ADCY9: variants seen among roughly 807,000 people sequenced by gnomAD.
ADCY9 encodes adenylate cyclase type 9.
In ADCY9, 50 loss-of-function variants were observed where a neutral mutation model predicts 101.5. The observed-to-expected ratio is 0.49, with a 90% CI of 0.39 to 0.62. ADCY9 has a LOEUF of 0.62. Among genes scored for constraint, ADCY9 ranks in the 20% least tolerant of loss-of-function variants. The probability of loss-of-function intolerance (pLI) is 0.00; values close to 1 mark genes in which losing one functional copy is unlikely to be tolerated. For missense variants in ADCY9, 1,662 were observed against 1,800.4 expected, an observed-to-expected ratio of 0.92 and a Z score of 1.39; for synonymous variants, 905 against 769.3, an observed-to-expected ratio of 1.18 and a Z score of -2.92.
chr16:4,113,172 TA>T lies in ADCY9; in HGVS notation c.1693+577del, dbSNP rs111589177. On this transcript the variant is annotated intron_variant, in intron 2 of 10. Coordinates refer to ENST00000294016, the MANE Select transcript of ADCY9 (RefSeq NM_001116.4). ...GAAAGCTGAAAATGCAAACTTTTTT[TA>T]AAAAAAAAAAAAGACCTAGATAAAA... Among the ~76,000 whole-genome samples the T allele has an allele frequency of 7.5e-3, 1,102 of 146,836 alleles. 10 individuals are homozygous for T. Among genetic ancestry groups the T allele is most frequent in the African/African-American group, 0.019 (753 of 40,226 alleles).
In ADCY9 at chr16:3,965,256, T is replaced by G. The variant is rs1167855453; in HGVS notation, c.*519A>C. ...GGATTACTGGCACTTTATATCAGATTCATGAATGCAAGTGTGTGTGCGCAT... is the reference window on the plus strand; with the variant it reads ...GGATTACTGGCACTTTATATCAGATGCATGAATGCAAGTGTGTGTGCGCAT... On this transcript the variant is annotated 3_prime_UTR_variant, in exon 11 of 11. Transcript: ENST00000294016. 1.3e-5 allele frequency: 2 copies of G among 157,906 alleles called. No homozygotes were observed. Among genetic ancestry groups the G allele is most frequent in the African/African-American group, 4.8e-5 (2 of 41,504 alleles). The allele number at this position is 157,906 out of a possible 1,614,324, so 9.8% of individuals were successfully genotyped here.
At chr16:4,014,939 C>CT (rs578260761) in intron 2 of ADCY9, among the ~76,000 whole-genome samples, 13,644 of 92,752 alleles carry the variant, frequency 0.15, 1,900 homozygotes, top group South Asian at 0.28. Context: ...CTGTTTTGGC[C>CT]TTTTTTTTTT....
chr16:3,960,878 A>G (rs2055933629), downstream of ADCY9, among the ~76,000 whole-genome samples: 1 of 152,242 alleles, frequency 6.6e-6, no homozygotes, highest in Admixed American at 6.5e-5. Flanking sequence ...AAGATTTTAA[A>G]TGTACATGTC....
chr16:3,962,697 A>G lies in ADCY9; in HGVS notation c.*3078T>C, dbSNP rs1337316028. On this transcript the variant is annotated 3_prime_UTR_variant, in exon 11 of 11. Coordinates refer to ENST00000294016, the MANE Select transcript of ADCY9 (RefSeq NM_001116.4). ...TAATGTCCATTTCTTCAGTGAATGCATTTTGAAATTATTAGAATTAACAAT... is the reference window on the plus strand; with the variant it reads ...TAATGTCCATTTCTTCAGTGAATGCGTTTTGAAATTATTAGAATTAACAAT... 6.6e-6 allele frequency: 1 copy of G among 152,216 alleles called. No homozygotes were observed. The highest frequency in any genetic ancestry group is 1.5e-5 in the Non-Finnish European group (1 of 68,040). The allele number at this position is 152,216 out of a possible 1,614,324, so 9.4% of individuals were successfully genotyped here.
intron 2 of ADCY9, among the ~76,000 whole-genome samples, chr16:4,057,845 G>C (rs1028433789): frequency 6.6e-6 from 1 of 152,154 alleles, no homozygotes; most frequent in African/African-American, 2.4e-5. Flanking sequence ...TCAGAGATGA[G>C]AAAACCAAGG....
chr16:4,019,077 G>A (rs1028311963), intron 2 of ADCY9, among the ~76,000 whole-genome samples: 1 of 151,840 alleles, frequency 6.6e-6, no homozygotes, highest in Non-Finnish European at 1.5e-5. Context: ...CTGGGCTCAA[G>A]TGATCCTCCC....
Position 3,965,597 on chromosome 16 carries a change from A to C in ADCY9, c.*178T>G. ...TTTCCAGGGAAGGGAGCGAAAGGGAAGAATGGATGAAAATGAACCCTGAAT... is the reference window on the plus strand; with the variant it reads ...TTTCCAGGGAAGGGAGCGAAAGGGACGAATGGATGAAAATGAACCCTGAAT... On this transcript the variant is annotated 3_prime_UTR_variant, in exon 11 of 11. Transcript: ENST00000294016. 1.6e-6 allele frequency: 1 copy of C among 641,674 alleles called. No individual in the cohort carries two copies. Among genetic ancestry groups the C allele is most frequent in the Non-Finnish European group, 2.7e-6 (1 of 375,826 alleles). The allele number at this position is 641,674 out of a possible 1,614,324, so 39.7% of individuals were successfully genotyped here. A position where few individuals can be genotyped will look rare whatever the true frequency, so the allele number is the denominator to read the frequency against.
chr16:3,992,428 G>A lies in ADCY9; in HGVS notation c.1990-65C>T, dbSNP rs1384233776. 7.5e-6 allele frequency: 11 copies of A among 1,467,512 alleles called. No individual in the cohort carries two copies. Among genetic ancestry groups the A allele is most frequent in the South Asian group, 4.8e-5 (4 of 83,246 alleles). 90.9% of individuals were successfully genotyped at this position (1,467,512 alleles called of 1,614,324 possible). On this transcript the variant is annotated intron_variant, in intron 4 of 10. Coordinates refer to ENST00000294016, the MANE Select transcript of ADCY9 (RefSeq NM_001116.4). The surrounding 1 kb of genome is among the most constrained non-coding windows in gnomAD (Gnocchi z 4.2). ...GTGGCACCGGGCACTGGGCACACAC[G>A]CCTGTCCCACCCCGACCTCCGCTGC...
At chr16:4,097,487 T>TATATATATATACACAC (rs76750792) in intron 2 of ADCY9, among the ~76,000 whole-genome samples, 26 of 72,486 alleles carry the variant, frequency 3.6e-4, no homozygotes, top group East Asian at 1.5e-3. Context: ...TATATATATA[T>TATATATATATACACAC]ACACACACAC....
chr16:4,112,011 A>G (rs2057116919), intron 2 of ADCY9, among the ~76,000 whole-genome samples: 1 of 152,358 alleles, frequency 6.6e-6, no homozygotes, highest in East Asian at 1.9e-4. Context: ...TACAGCATAC[A>G]AAGTACAGCT....
chr16:3,996,633 C>T (rs945521210), intron 3 of ADCY9, among the ~76,000 whole-genome samples: 6 of 152,220 alleles, frequency 3.9e-5, no homozygotes, highest in South Asian at 2.1e-4. Context: ...AGCCAAAGCC[C>T]GAAGTGCAAG....
At position 4,115,291 on chromosome 16, in the gene ADCY9, G is replaced by A; in HGVS notation, c.152C>T (p.Ser51Phe). 6.2e-7 allele frequency: 1 copy of A among 1,613,882 alleles called. No individual in the cohort carries two copies. Among genetic ancestry groups the A allele is most frequent in the Non-Finnish European group, 8.5e-7 (1 of 1,179,888 alleles). Residue 51 changes from serine (S) to phenylalanine (F), a missense_variant, in exon 2 of 11, where the codon TCC becomes TTC. This residue lies in a region of ADCY9 where 422 missense variants were observed against 392.0 expected (regional missense o/e 1.08). Coordinates refer to ENST00000294016, the MANE Select transcript of ADCY9 (RefSeq NM_001116.4). The surrounding 1 kb of genome is among the most constrained non-coding windows in gnomAD (Gnocchi z 6.2). ...SHPKHCKYSI[S>F]SSCSSSGDSG... The stretch of plus-strand genomic sequence containing the variant: ...GTCCCCAGAGCTGCTGCAGCTAGAG[G>A]AGATGCTGTATTTGCAGTGCTTGGG...
chr16:4,033,964 T>C (rs947622879), intron 2 of ADCY9, among the ~76,000 whole-genome samples: 5 of 152,198 alleles, frequency 3.3e-5, no homozygotes, highest in Non-Finnish European at 5.9e-5. Context: ...AATTCTATTA[T>C]TATTTGCTCA....
intron 6 of ADCY9, among the ~76,000 whole-genome samples, chr16:3,988,471 T>TGGGGGGTTCCCTTCCAGGGCAGGG (rs2056214531): frequency 1.2e-4 from 2 of 16,724 alleles, no homozygotes; most frequent in African/African-American, 5.2e-4. Context: ...CCAGGGCAGG[T>TGGGGGGTTCCCTTCCAGGGCAGGG]GTGGGGGATT....
intron 2 of ADCY9, among the ~76,000 whole-genome samples, chr16:4,010,849 T>G (rs2056399467): frequency 6.6e-6 from 1 of 152,138 alleles, no homozygotes; most frequent in Non-Finnish European, 1.5e-5. Flanking sequence ...GCTCCTCCCC[T>G]GCGATGGGAT....
intron 3 of ADCY9, among the ~76,000 whole-genome samples, chr16:3,999,750 A>T (rs2056316951): frequency 6.6e-6 from 1 of 152,062 alleles, no homozygotes; most frequent in South Asian, 2.1e-4. Context: ...TCCTTCCCCC[A>T]TGTGGACGTG....
At chr16:3,984,416 G>A (rs1486671935) in intron 6 of ADCY9, among the ~76,000 whole-genome samples, 2 of 152,216 alleles carry the variant, frequency 1.3e-5, no homozygotes. Context: ...AATTGAGGGG[G>A]AGAAATAACG....
intron 2 of ADCY9, among the ~76,000 whole-genome samples, chr16:4,024,790 G>A (rs188018675): frequency 1.3e-5 from 2 of 152,174 alleles, no homozygotes; most frequent in African/African-American, 4.8e-5. Flanking sequence ...GTACGTGGAC[G>A]GATGAGTGAG....
chr16:4,044,836 A>C (rs1597188051), intron 2 of ADCY9, among the ~76,000 whole-genome samples: 1 of 151,586 alleles, frequency 6.6e-6, no homozygotes, highest in African/African-American at 2.4e-5. Context: ...AGGCGGAGGG[A>C]CTCTCCACCC....
Sources: allele counts gnomAD v4.1 joint callset (sites outside exome capture counted in the v4.1 genomes callset), GRCh38; gene constraint gnomAD v4.1.1; regional missense constraint gnomAD v4.1.1; non-coding constraint Gnocchi (gnomAD v3.1); transcripts MANE v1.5; gene names NCBI Gene and HGNC (gene_info 2026-07-23, HGNC 2026-07-21).